NEK11: variants seen among roughly 807,000 people sequenced by gnomAD.
NEK11 encodes NIMA related kinase 11, also known as serine/threonine-protein kinase Nek11.
In NEK11, 72 loss-of-function variants were observed where a neutral mutation model predicts 80.7. That is an observed-to-expected ratio of 0.89 (90% CI 0.74 to 1.08). NEK11 has a LOEUF of 1.08. NEK11 is among the 50% of genes least tolerant of loss of function. The pLI, the probability that NEK11 is intolerant of heterozygous loss-of-function variation, is 0.00. For synonymous variants in NEK11, 251 were observed against 260.7 expected (o/e 0.96, Z 0.36); for missense variants, 764 against 763.6 (o/e 1.00, Z -0.01).
At chr3:131,244,329 T>C (rs2095564793) in intron 16 of NEK11, among the ~76,000 whole-genome samples, 1 of 152,136 alleles carries the variant, frequency 6.6e-6, no homozygotes, top group Admixed American at 6.6e-5. Flanking sequence ...TTTGATTTTC[T>C]CACCTGACCA....
intron 14 of NEK11, among the ~76,000 whole-genome samples, chr3:131,188,286 T>G (rs1259454764): frequency 6.6e-6 from 1 of 152,318 alleles, no homozygotes; most frequent in East Asian, 1.9e-4. Flanking sequence ...TAGTCAGTGG[T>G]ATTTCTTTTT....
chr3:131,216,985 C>T (rs1209215586), intron 14 of NEK11, among the ~76,000 whole-genome samples: 1 of 152,108 alleles, frequency 6.6e-6, no homozygotes, highest in Admixed American at 6.6e-5. Flanking sequence ...GGATGAGTCA[C>T]CAGGGAAAGG....
intron 17 of NEK11, among the ~76,000 whole-genome samples, chr3:131,341,635 C>T (rs972123681): frequency 6.6e-6 from 1 of 150,522 alleles, no homozygotes; most frequent in South Asian, 2.1e-4. Flanking sequence ...ATATATCTGA[C>T]AGTTTCTCTT....
rs376928137 is a variant in NEK11, at chr3:131,128,845, G to A, written c.456-3900G>A. On this transcript the variant is annotated intron_variant, in intron 5 of 17. Coordinates refer to ENST00000383366, the MANE Select transcript of NEK11 (RefSeq NM_024800.5). ...TGTTGTCAGTGTCTCGATTTGGGCC[G>A]TTCTAATAGGTGTGTAGTGGTACTT... 3.6e-4 allele frequency among the ~76,000 whole-genome samples: 55 copies of A among 152,224 alleles called. No homozygotes were observed. The East Asian group carries it at 7.0e-3, about 19-fold the overall frequency.
intron 16 of NEK11, among the ~76,000 whole-genome samples, chr3:131,255,392 C>G (rs932630666): frequency 3.3e-4 from 50 of 152,096 alleles, no homozygotes; most frequent in Non-Finnish European, 6.6e-4. Flanking sequence ...TCAAAGCACT[C>G]TCCTTGTTTG....
At chr3:131,215,349 C>G (rs112453243) in intron 14 of NEK11, among the ~76,000 whole-genome samples, 4 of 151,726 alleles carry the variant, frequency 2.6e-5, no homozygotes, top group South Asian at 4.2e-4. Context: ...GTGCAGCACA[C>G]CAACATGGCA....
intron 11 of NEK11, among the ~76,000 whole-genome samples, chr3:131,163,727 T>G (rs149283309): frequency 7.9e-5 from 12 of 152,284 alleles, no homozygotes; most frequent in African/African-American, 2.6e-4. Context: ...GAGTAGAGCT[T>G]GATTTAATTA....
intron 7 of NEK11, among the ~76,000 whole-genome samples, chr3:131,138,930 T>C (rs1483602231): frequency 6.6e-6 from 1 of 152,008 alleles, no homozygotes; most frequent in Non-Finnish European, 1.5e-5. Context: ...GCCCAGATGG[T>C]GAATACTACA....
intron 3 of NEK11, among the ~76,000 whole-genome samples, chr3:131,035,546 G>A (rs1465241235): frequency 6.6e-6 from 1 of 152,138 alleles, no homozygotes; most frequent in Non-Finnish European, 1.5e-5. Flanking sequence ...CCACCCTGGG[G>A]TCCAGGCCTC....
intron 3 of NEK11, among the ~76,000 whole-genome samples, chr3:131,054,910 AAGGTACAGTT>A (rs1163147103): frequency 6.6e-6 from 1 of 152,128 alleles, no homozygotes; most frequent in Non-Finnish European, 1.5e-5. Flanking sequence ...TTACCCTTCT[AAGGTACAGTT>A]GGGCAGTTTT....
chr3:131,339,578 CTGGTGGGATTTATA>C (rs1298705536), intron 17 of NEK11, among the ~76,000 whole-genome samples: 1 of 152,164 alleles, frequency 6.6e-6, no homozygotes, highest in African/African-American at 2.4e-5. Context: ...GTACCCTTCA[CTGGTGGGATTTATA>C]AAGTGTGATG....
intron 4 of NEK11, among the ~76,000 whole-genome samples, chr3:131,088,312 T>A (rs2076283972): frequency 6.6e-6 from 1 of 152,204 alleles, no homozygotes; most frequent in South Asian, 2.1e-4. Context: ...TTGTTCCATT[T>A]ACTTTCTTTC....
chr3:131,040,212 C>G (rs1256174399), intron 3 of NEK11, among the ~76,000 whole-genome samples: 2 of 152,016 alleles, frequency 1.3e-5, no homozygotes, highest in Non-Finnish European at 2.9e-5. Context: ...GTCCCTGCTA[C>G]TCACGAATGA....
chr3:131,269,314 A>T (rs748443204), intron 16 of NEK11, among the ~76,000 whole-genome samples: 2 of 152,204 alleles, frequency 1.3e-5, no homozygotes, highest in Admixed American at 1.3e-4. Context: ...CCACTGGAGT[A>T]TGAAAAACAA....
chr3:131,340,116 A>G (rs79755983), intron 17 of NEK11, among the ~76,000 whole-genome samples: 6,710 of 152,336 alleles, frequency 0.044, 235 homozygotes, highest in Non-Finnish European at 0.066. Context: ...TCCATATACA[A>G]GATAACAGAA....
At position 131,277,414 on chromosome 3, in the gene NEK11, A is replaced by G. The variant is rs115766272; in HGVS notation, c.1718+3840A>G. Among the ~76,000 whole-genome samples the G allele has an allele frequency of 3.3e-3, 501 of 152,272 alleles. 4 individuals are homozygous for G. The highest frequency in any genetic ancestry group is 0.012 in the African/African-American group (482 of 41,548). On this transcript the variant is annotated intron_variant, in intron 17 of 17. Transcript: ENST00000383366. Reference sequence around the variant, plus strand: ...CAAAACTGAACTCCTAAATTTCCCTACCACATCTGCCCCCTCCACAGCCTT... The same window carrying G: ...CAAAACTGAACTCCTAAATTTCCCTGCCACATCTGCCCCCTCCACAGCCTT...
chr3:131,324,971 C>T (rs2096943586), intron 17 of NEK11: 1 of 152,158 alleles, frequency 6.6e-6, no homozygotes, highest in South Asian at 2.1e-4. Flanking sequence ...CTCTTGAGGC[C>T]ATTCTAAAGG....
chr3:131,321,939 T>TA (rs1479701771), intron 17 of NEK11, among the ~76,000 whole-genome samples: 1 of 152,162 alleles, frequency 6.6e-6, no homozygotes. Context: ...GGAGATTTCT[T>TA]AAAGAATTTA....
chr3:131,058,056 A>C (rs1344219528), intron 3 of NEK11, among the ~76,000 whole-genome samples: 1 of 151,292 alleles, frequency 6.6e-6, no homozygotes, highest in South Asian at 2.1e-4. Flanking sequence ...ATCTTGAATT[A>C]ATTTTTGTAT....
Sources: gnomAD v4.1 joint callset for allele counts (sites outside exome capture counted in the v4.1 genomes callset) on GRCh38, gnomAD v4.1.1 for gene constraint, MANE v1.5 for transcripts, NCBI Gene and HGNC (gene_info 2026-07-23, HGNC 2026-07-21) for gene names.